Variants in DBI observed in about 807,000 individuals in gnomAD.
DBI encodes diazepam binding inhibitor, acyl-CoA binding protein.
A neutral mutation model predicts 13.0 loss-of-function variants in DBI; 12 were observed. The ratio of observed to expected loss-of-function variants is 0.92; its 90% CI spans 0.59 to 1.49. The LOEUF is 1.49. DBI is among the 40% of genes most tolerant of loss of function. The pLI is 0.00. For synonymous variants in DBI, 37 were observed against 37.4 expected, an observed-to-expected ratio of 0.99 and a Z score of 0.04; for missense variants, 95 against 104.8, an observed-to-expected ratio of 0.91 and a Z score of 0.41.
intron 2 of DBI, 49 bp downstream of exon 2, chr2:119,368,354 A>G: frequency 7.1e-7 from 1 of 1,416,706 alleles, no homozygotes; most frequent in Non-Finnish European, 1.0e-6. Context: ...AAGCAGGCTC[A>G]GCAGCTCAGA....
intron 1 of DBI, chr2:119,367,932 G>C: frequency 6.2e-7 from 1 of 1,614,252 alleles, no homozygotes; most frequent in Non-Finnish European, 8.5e-7. Context: ...GCCTGCGTTT[G>C]TGAGAGCTCT....
chr2:119,369,016 C>A (rs1194836361), intron 2 of DBI, among the ~76,000 whole-genome samples: 2 of 152,136 alleles, frequency 1.3e-5, no homozygotes, highest in Admixed American at 1.3e-4. Flanking sequence ...GAGCATGGTC[C>A]CTATTTCCGC....
At chr2:119,368,804 G>T (rs1228319670) in intron 2 of DBI, 3 of 163,908 alleles carry the variant, frequency 1.8e-5, no homozygotes, top group Non-Finnish European at 4.1e-5. Flanking sequence ...AGAAATCTTG[G>T]TGCAGATTTT....
chr2:119,372,146 A>C (rs1681560934), intron 3 of DBI, 99 bp from the exon 4 acceptor site: 2 of 801,588 alleles, frequency 2.5e-6, no homozygotes, highest in South Asian at 1.5e-5. Flanking sequence ...TGAGAAACTG[A>C]GCCTAGGAGA....
At chr2:119,367,333 C>T in intron 1 of DBI, 1 of 1,438,282 alleles carries the variant, frequency 7.0e-7, no homozygotes, top group Non-Finnish European at 9.1e-7. Flanking sequence ...GTCGAGGGTG[C>T]TTGATGGAGA....
chr2:119,367,278 T>C (rs990453267), intron 1 of DBI: 1 of 1,437,190 alleles, frequency 7.0e-7, no homozygotes, highest in African/African-American at 1.4e-5. Context: ...TGCCGGAAAG[T>C]TGCCCATGGG....
chr2:119,372,391 TGGATGGTG>T lies in DBI; in HGVS notation c.*77_*84del. ...AATGCCTTGTTTTTTTCTAATACCG[TGGATGGTG>T]GGAATTCGGGAAAATAACCAGTTAA... is the stretch of plus-strand genomic sequence containing the variant. On this transcript the variant is annotated 3_prime_UTR_variant, in exon 4 of 4. Coordinates refer to ENST00000355857, the MANE Select transcript of DBI (RefSeq NM_001079862.4). The T allele has an allele frequency of 1.7e-6, 2 of 1,197,586 alleles. No homozygotes were observed. The highest frequency in any genetic ancestry group is 2.5e-6 in the Non-Finnish European group (2 of 805,626). The allele number at this position is 1,197,586 out of a possible 1,614,324, so 74.2% of individuals were successfully genotyped here.
chr2:119,369,862 T>G (rs568317050), intron 2 of DBI, among the ~76,000 whole-genome samples: 86 of 152,314 alleles, frequency 5.6e-4, no homozygotes, highest in African/African-American at 2.0e-3. Context: ...ACATTTCAGA[T>G]GCCCAGTAGT....
At position 119,370,894 on chromosome 2, in the gene DBI, G is replaced by A. The variant is rs1573727682; in HGVS notation, c.190+92G>A. 2.4e-6 allele frequency: 3 copies of A among 1,229,580 alleles called. No individual in the cohort carries two copies. The East Asian group carries it at 7.6e-5, about 31-fold the overall frequency. The allele number at this position is 1,229,580 out of a possible 1,614,324, so 76.2% of individuals were successfully genotyped here. On this transcript the variant is annotated intron_variant, in intron 3 of 3. Transcript: ENST00000355857. ...GTAAGGGAAGAGGAGAGAAAACAAAGTCAATGGGGCACGTGTGGGAAACCA... is the reference window on the plus strand; with the variant it reads ...GTAAGGGAAGAGGAGAGAAAACAAAATCAATGGGGCACGTGTGGGAAACCA...
chr2:119,372,448 C>T lies in DBI; in HGVS notation c.*130C>T, dbSNP rs1681592807. ...AAACCAGCTACTCAAGGCTGCTCAC[C>T]ATACGGCTCTAACAGATTAGGGGCT... is the stretch of plus-strand genomic sequence containing the variant. On this transcript the variant is annotated 3_prime_UTR_variant, in exon 4 of 4. Transcript: ENST00000355857. 1.5e-6 allele frequency: 1 copy of T among 666,674 alleles called. No homozygotes were observed. The allele number at this position is 666,674 out of a possible 1,614,324, so 41.3% of individuals were successfully genotyped here.
At chr2:119,370,704 G>A in intron 2 of DBI, 36 bp from the exon 3 acceptor site, 1 of 1,600,706 alleles carries the variant, frequency 6.2e-7, no homozygotes, top group South Asian at 1.1e-5. Context: ...ATTAGAATTT[G>A]AACCAGATCT....
At chr2:119,367,121 C>T in intron 1 of DBI, 61 bp downstream of exon 1, 1 of 1,606,874 alleles carries the variant, frequency 6.2e-7, no homozygotes, top group East Asian at 2.2e-5. Context: ...GTTGGGGGCT[C>T]AGCCGGCTGC....
intron 2 of DBI, among the ~76,000 whole-genome samples, chr2:119,369,514 G>A (rs1056402463): frequency 2.6e-5 from 4 of 152,202 alleles, no homozygotes; most frequent in Admixed American, 6.5e-5. Flanking sequence ...GAGGCTGGGC[G>A]CTATGGCTCA....
intron 2 of DBI, chr2:119,368,918 A>G (rs539785849): frequency 1.3e-5 from 2 of 154,364 alleles, no homozygotes; most frequent in African/African-American, 4.8e-5. Flanking sequence ...ATACTGAGGC[A>G]ACAGCGCAGT....
intron 3 of DBI, 70 bp downstream of exon 3, chr2:119,370,872 A>G: frequency 4.3e-6 from 6 of 1,400,714 alleles, no homozygotes; most frequent in Non-Finnish European, 6.0e-6. Flanking sequence ...ATGAAGTGTA[A>G]GGGAAGAGGA....
intron 1 of DBI, chr2:119,367,581 A>G (rs933157747): frequency 6.2e-7 from 1 of 1,613,878 alleles, no homozygotes; most frequent in Non-Finnish European, 8.5e-7. Flanking sequence ...TCTGAGACCG[A>G]GCTATGTGGG....
intron 1 of DBI, 59 bp from the exon 2 acceptor site, chr2:119,368,129 A>G: frequency 6.5e-7 from 1 of 1,537,696 alleles, no homozygotes; most frequent in South Asian, 1.1e-5. Flanking sequence ...CCACAGTAGG[A>G]TTCTTACCCT....
At chr2:119,368,608 T>C in intron 2 of DBI, 1 of 311,904 alleles carries the variant, frequency 3.2e-6, no homozygotes, top group Non-Finnish European at 6.2e-6. Context: ...AGCTCAGTAG[T>C]ATCATTGTTG....
At chr2:119,368,065 C>A in intron 1 of DBI, 123 bp from the exon 2 acceptor site, 3 of 1,503,710 alleles carry the variant, frequency 2.0e-6, no homozygotes, top group Non-Finnish European at 2.8e-6. Context: ...CTGCATTGCC[C>A]GAAGGGTGCC....
Sources: gnomAD v4.1 joint callset for allele counts (sites outside exome capture counted in the v4.1 genomes callset) on GRCh38, gnomAD v4.1.1 for gene constraint, MANE v1.5 for transcripts, NCBI Gene and HGNC (gene_info 2026-07-23, HGNC 2026-07-21) for gene names.